Variants in CAMTA1 observed in about 807,000 individuals in gnomAD.
The protein encoded by CAMTA1 is calmodulin binding transcription activator 1, also known as calmodulin-binding transcription activator 1.
Under a neutral mutation model 170.9 loss-of-function variants are expected in CAMTA1, and 27 were observed. The observed-to-expected ratio is 0.16, with a 90% confidence interval of 0.12 to 0.22. The LOEUF (loss-of-function observed/expected upper bound fraction) is 0.22, where lower values mean the gene tolerates loss of function less well. Ranked by LOEUF, CAMTA1 falls within the 10% of genes least tolerant of loss-of-function variation. The pLI, the probability that CAMTA1 is intolerant of heterozygous loss-of-function variation, is 1.00. For missense variants in CAMTA1, 1,619 were observed against 2,217.2 expected, an observed-to-expected ratio of 0.73 and a Z score of 5.42; for synonymous variants, 833 against 891.5, an observed-to-expected ratio of 0.93 and a Z score of 1.17.
chr1:7,371,726 C>T (rs1010886002), intron 5 of CAMTA1, among the ~76,000 whole-genome samples: 3 of 152,200 alleles, frequency 2.0e-5, no homozygotes, highest in African/African-American at 4.8e-5. Context: ...CCCACATCCC[C>T]GACATTCATT....
intron 6 of CAMTA1, among the ~76,000 whole-genome samples, chr1:7,555,406 T>G (rs117000748): frequency 0.022 from 3,335 of 152,142 alleles, 115 homozygotes; most frequent in East Asian, 0.17. Flanking sequence ...ATGGGTCCTG[T>G]GGGTCTGCTG....
At chr1:6,791,991 T>C (rs1042952897) in intron 1 of CAMTA1, among the ~76,000 whole-genome samples, 1 of 151,734 alleles carries the variant, frequency 6.6e-6, no homozygotes, top group African/African-American at 2.4e-5. Flanking sequence ...TTTTTGAGGC[T>C]GAGTCTTGCT....
At chr1:7,577,601 A>G (rs2095212645) in intron 6 of CAMTA1, among the ~76,000 whole-genome samples, 1 of 151,686 alleles carries the variant, frequency 6.6e-6, no homozygotes, top group East Asian at 1.9e-4. Context: ...CCTAACTGCA[A>G]ACGCTCCCGG....
rs754008719 is a variant in CAMTA1 at position 7,751,268 on chromosome 1, CA to C, written c.4767del (p.Lys1589AsnfsTer33). Reference sequence around the variant, plus strand: ...GAGCAAATTCCGAAGTTACTATGAACAAAAAAAATTCCAGCAGAGCCGACGG... The same window carrying C: ...GAGCAAATTCCGAAGTTACTATGAACAAAAAAATTCCAGCAGAGCCGACGG... ...IQSKFRSYYE[Q>X]KKFQQSRRAA... On this transcript the variant is annotated frameshift_variant, in exon 20 of 23. Transcript: ENST00000303635. LOFTEE classifies it high-confidence loss of function. 12 of 1,610,658 alleles carry C rather than the reference CA, an allele frequency of 7.5e-6. No homozygotes were observed. In the Admixed American group the frequency reaches 8.5e-5, roughly 11 times the overall value.
At position 7,565,877 on chromosome 1, in the gene CAMTA1, T is replaced by C. The variant is rs951990302; in HGVS notation, c.511-74523T>C. Reference sequence around the variant, plus strand: ...TGGTTGGGGGCTGGTGAGGACTCCCTTCCTGGCTTGCAGACAGCCGCCTTC... The same window carrying C: ...TGGTTGGGGGCTGGTGAGGACTCCCCTCCTGGCTTGCAGACAGCCGCCTTC... On this transcript the variant is annotated intron_variant, in intron 6 of 22. Coordinates refer to ENST00000303635, the MANE Select transcript of CAMTA1 (RefSeq NM_015215.4). The surrounding 1 kb of genome is among the most constrained non-coding windows in gnomAD (Gnocchi z 4.5). Among the ~76,000 whole-genome samples the C allele has an allele frequency of 5.3e-5, 8 of 152,008 alleles. No homozygotes were observed. Among genetic ancestry groups the C allele is most frequent in the Admixed American group, 5.2e-4 (8 of 15,264 alleles).
chr1:7,608,519 C>T (rs1243396885), intron 6 of CAMTA1, among the ~76,000 whole-genome samples: 1 of 152,204 alleles, frequency 6.6e-6, no homozygotes, highest in African/African-American at 2.4e-5. Flanking sequence ...GACTGCATAA[C>T]ACCAGTGCCT....
intron 3 of CAMTA1, among the ~76,000 whole-genome samples, chr1:6,972,298 A>G (rs1209183060): frequency 1.3e-5 from 2 of 152,190 alleles, no homozygotes; most frequent in Admixed American, 1.3e-4. Context: ...GCTCCTAGTG[A>G]CACACCTGGC....
chr1:7,190,420 A>G (rs1367694933), intron 4 of CAMTA1, among the ~76,000 whole-genome samples: 1 of 152,230 alleles, frequency 6.6e-6, no homozygotes. Flanking sequence ...ATGATGTACT[A>G]TATGTAAATG....
At chr1:7,260,742 C>T (rs966011038) in intron 5 of CAMTA1, among the ~76,000 whole-genome samples, 3 of 152,130 alleles carry the variant, frequency 2.0e-5, no homozygotes, top group African/African-American at 4.8e-5. Flanking sequence ...GAATAGTGAC[C>T]GATGGGAGGG....
Position 7,249,724 on chromosome 1 carries a change from G to C in CAMTA1, c.438+98G>C. The C allele has an allele frequency of 1.4e-6, 2 of 1,407,258 alleles. No homozygotes were observed. Among genetic ancestry groups the C allele is most frequent in the Admixed American group, 5.0e-5 (2 of 39,628 alleles). The allele number at this position is 1,407,258 out of a possible 1,614,324, so 87.2% of individuals were successfully genotyped here. A position where few individuals can be genotyped will look rare whatever the true frequency, so the allele number is the denominator to read the frequency against. On this transcript the variant is annotated intron_variant, in intron 5 of 22. Coordinates refer to ENST00000303635, the MANE Select transcript of CAMTA1 (RefSeq NM_015215.4). This position sits in a 1 kb window ranked among gnomAD's most constrained non-coding sequence, Gnocchi z 4.4. ...GAGTAATTTGATGCGAGTCACCTCT[G>C]TCCAAAGAATTTTTGTTTGCCAAGA...
intron 5 of CAMTA1, among the ~76,000 whole-genome samples, chr1:7,433,843 C>G (rs948031922): frequency 6.6e-6 from 1 of 152,176 alleles, no homozygotes; most frequent in Non-Finnish European, 1.5e-5. Flanking sequence ...GTATCAACAT[C>G]TGGGATGTAC....
chr1:6,827,443 T>G (rs2148526829), intron 3 of CAMTA1, among the ~76,000 whole-genome samples: 1 of 152,344 alleles, frequency 6.6e-6, no homozygotes, highest in Non-Finnish European at 1.5e-5. Context: ...TTTTTGGCTT[T>G]GGAAAAATAG....
intron 6 of CAMTA1, among the ~76,000 whole-genome samples, chr1:7,537,713 G>T (rs2094565522): frequency 6.6e-6 from 1 of 152,160 alleles, no homozygotes; most frequent in Admixed American, 6.6e-5. Context: ...TTTAGCCCCA[G>T]ACAAATAGAC....
chr1:7,525,286 C>T (rs1314332985), intron 6 of CAMTA1, among the ~76,000 whole-genome samples: 1 of 151,706 alleles, frequency 6.6e-6, no homozygotes, highest in East Asian at 1.9e-4. Flanking sequence ...ATCTCACCCC[C>T]CTACACACAC....
intron 5 of CAMTA1, among the ~76,000 whole-genome samples, chr1:7,437,968 G>T (rs1392573360): frequency 6.6e-6 from 1 of 152,216 alleles, no homozygotes; most frequent in East Asian, 1.9e-4. Flanking sequence ...TCTCAAGTGG[G>T]GATGAGAGCT....
At chr1:7,100,908 G>A (rs932880283) in intron 4 of CAMTA1, among the ~76,000 whole-genome samples, 1 of 152,200 alleles carries the variant, frequency 6.6e-6, no homozygotes, top group African/African-American at 2.4e-5. Flanking sequence ...TGGGACAAAA[G>A]CCTTCGCGGC....
chr1:7,568,465 C>T (rs906075799), intron 6 of CAMTA1, among the ~76,000 whole-genome samples: 3 of 151,178 alleles, frequency 2.0e-5, no homozygotes, highest in Admixed American at 2.0e-4. Context: ...ACCATCACCA[C>T]CAACAACCAT....
intron 1 of CAMTA1, among the ~76,000 whole-genome samples, chr1:6,818,567 A>G (rs1034460318): frequency 6.6e-6 from 1 of 152,180 alleles, no homozygotes; most frequent in African/African-American, 2.4e-5. Context: ...TGGATGAGGT[A>G]GTACAGAGAG....
chr1:7,298,324 C>A (rs1339975205), intron 5 of CAMTA1, among the ~76,000 whole-genome samples: 1 of 8,286 alleles, frequency 1.2e-4, no homozygotes, highest in Admixed American at 1.7e-3. Flanking sequence ...CATGATCCAC[C>A]CCCCACCCCG....
Sources: gnomAD v4.1 joint callset for allele counts (sites outside exome capture counted in the v4.1 genomes callset) on GRCh38, gnomAD v4.1.1 for gene constraint, Gnocchi (gnomAD v3.1) non-coding constraint, MANE v1.5 for transcripts, NCBI Gene and HGNC (gene_info 2026-07-23, HGNC 2026-07-21) for gene names.